PDE1A: variants seen among roughly 807,000 people sequenced by gnomAD.
The protein encoded by PDE1A is dual specificity calcium/calmodulin-dependent 3',5'-cyclic nucleotide phosphodiesterase 1A.
In PDE1A, 35 loss-of-function variants were observed where a neutral mutation model predicts 61.7. That is an observed-to-expected ratio of 0.57 (90% CI 0.43 to 0.75). The LOEUF (loss-of-function observed/expected upper bound fraction) is 0.75. Ranked by LOEUF, PDE1A falls within the 30% of genes least tolerant of loss-of-function variation. The pLI is 0.00. For synonymous variants in PDE1A, 232 were observed against 213.2 expected, an observed-to-expected ratio of 1.09 and a Z score of -0.77; for missense variants, 597 against 630.6, an observed-to-expected ratio of 0.95 and a Z score of 0.57.
the PDE1A span, among the ~76,000 whole-genome samples, chr2:182,608,889 A>G: frequency 2.0e-5 from 3 of 152,142 alleles, no homozygotes; most frequent in Admixed American, 1.3e-4. Context: ...TTGAATCTTT[A>G]TGTCTAGCTA....
At chr2:182,308,558 T>C (rs1487311184) in intron 1 of PDE1A, among the ~76,000 whole-genome samples, 1 of 152,070 alleles carries the variant, frequency 6.6e-6, no homozygotes, top group Non-Finnish European at 1.5e-5. Flanking sequence ...AGGCAGAATA[T>C]TTTATAGGAT....
At chr2:182,588,351 A>C in the PDE1A span, among the ~76,000 whole-genome samples, 1 of 152,156 alleles carries the variant, frequency 6.6e-6, no homozygotes, top group Admixed American at 6.5e-5. Flanking sequence ...ATTCTTGTCC[A>C]TTGATCTTTC....
chr2:182,466,844 C>T (rs1294776313), intron 2 of PDE1A, among the ~76,000 whole-genome samples: 1 of 151,908 alleles, frequency 6.6e-6, no homozygotes, highest in Non-Finnish European at 1.5e-5. Flanking sequence ...CTAACTAGTG[C>T]CTTCTTTCTT....
chr2:182,564,275 G>C, the PDE1A span, among the ~76,000 whole-genome samples: 1 of 152,070 alleles, frequency 6.6e-6, no homozygotes. Context: ...CTCAGCATTT[G>C]CTTGTCTGTA....
At chr2:182,299,780 T>C (rs528653203) in intron 1 of PDE1A, among the ~76,000 whole-genome samples, 3 of 152,146 alleles carry the variant, frequency 2.0e-5, no homozygotes, top group Non-Finnish European at 4.4e-5. Context: ...CATGATTGCA[T>C]AACAATGTGT....
intron 2 of PDE1A, among the ~76,000 whole-genome samples, chr2:182,505,503 C>T (rs1380331994): frequency 1.3e-5 from 2 of 152,112 alleles, no homozygotes; most frequent in Non-Finnish European, 2.9e-5. Flanking sequence ...GGCCTGGGCA[C>T]TTTGATTTTA....
At chr2:182,588,182 T>C in the PDE1A span, among the ~76,000 whole-genome samples, 35 of 152,342 alleles carry the variant, frequency 2.3e-4, 1 homozygote, top group East Asian at 6.2e-3. Context: ...TTCCTTCTCA[T>C]CATCTGTTCA....
chr2:182,650,191 A>G, the PDE1A span, among the ~76,000 whole-genome samples: 1 of 152,182 alleles, frequency 6.6e-6, no homozygotes, highest in Non-Finnish European at 1.5e-5. Context: ...GAGGAAATGT[A>G]TAAGGGCACA....
intron 1 of PDE1A, among the ~76,000 whole-genome samples, chr2:182,264,768 T>C (rs914750888): frequency 6.7e-6 from 1 of 150,022 alleles, no homozygotes; most frequent in Non-Finnish European, 1.5e-5. Context: ...ATGTTGGCAC[T>C]AGGAGAATAT....
chr2:182,174,733 A>AT (rs139760662), intron 13 of PDE1A, among the ~76,000 whole-genome samples: 11 of 151,304 alleles, frequency 7.3e-5, no homozygotes, highest in Non-Finnish European at 1.0e-4. Context: ...TTTGTTTTTT[A>AT]TTTATTTTAT....
intron 1 of PDE1A, among the ~76,000 whole-genome samples, chr2:182,265,448 T>C (rs893570093): frequency 1.3e-5 from 2 of 152,080 alleles, no homozygotes; most frequent in African/African-American, 2.4e-5. Context: ...CCTTAGTGTA[T>C]TTACTGCACT....
intron 1 of PDE1A, among the ~76,000 whole-genome samples, chr2:182,371,339 C>T (rs951962400): frequency 8.5e-5 from 13 of 152,128 alleles, no homozygotes; most frequent in African/African-American, 1.2e-4. Flanking sequence ...GAAACTTCCC[C>T]AAGCAGTATT....
At chr2:182,653,021 T>C in the PDE1A span, among the ~76,000 whole-genome samples, 1 of 152,182 alleles carries the variant, frequency 6.6e-6, no homozygotes, top group Admixed American at 6.5e-5. Flanking sequence ...CAACTCTAGC[T>C]CTTCAGGATC....
Position 182,519,220 on chromosome 2 carries a change from T to C in PDE1A, c.101+3056A>G, listed in dbSNP as rs139111705. Among the ~76,000 whole-genome samples the C allele has an allele frequency of 3.1e-4, 47 of 152,214 alleles. No individual in the cohort carries two copies. The East Asian group carries it at 8.9e-3, about 29-fold the overall frequency. On this transcript the variant is annotated intron_variant, in intron 2 of 14. Coordinates refer to the PDE1A transcript ENST00000410103. ...TCAGAAATTTCATTTGGTGTTGAGA[T>C]GGCATAAGAAATAGGAAGTGTTTTC...
chr2:182,330,218 C>G (rs1485917179), intron 1 of PDE1A, among the ~76,000 whole-genome samples: 1 of 151,898 alleles, frequency 6.6e-6, no homozygotes, highest in African/African-American at 2.4e-5. Flanking sequence ...GTGGCGCGAG[C>G]CTGTAATCCC....
At chr2:182,363,954 A>C (rs1408488552) in intron 1 of PDE1A, among the ~76,000 whole-genome samples, 1 of 151,986 alleles carries the variant, frequency 6.6e-6, no homozygotes, top group African/African-American at 2.4e-5. Flanking sequence ...CTCCAGATTG[A>C]AAGGTATATC....
the PDE1A span, among the ~76,000 whole-genome samples, chr2:182,622,894 A>G: frequency 6.6e-6 from 1 of 152,214 alleles, no homozygotes; most frequent in Non-Finnish European, 1.5e-5. Context: ...AGTCTCAAAA[A>G]ACAATCTTCA....
chr2:182,387,713 T>C (rs140100171), intron 1 of PDE1A, among the ~76,000 whole-genome samples: 184 of 150,556 alleles, frequency 1.2e-3, no homozygotes, highest in African/African-American at 4.3e-3. Context: ...GCCAAGATCA[T>C]ACCATTGCAC....
At chr2:182,290,942 G>A (rs1007513053) in intron 1 of PDE1A, among the ~76,000 whole-genome samples, 3 of 151,794 alleles carry the variant, frequency 2.0e-5, no homozygotes, top group East Asian at 1.9e-4. Flanking sequence ...ACCAACATTC[G>A]CCCAGTCCTG....
Sources: gnomAD v4.1 joint callset for allele counts (sites outside exome capture counted in the v4.1 genomes callset) on GRCh38, gnomAD v4.1.1 for gene constraint, MANE v1.5 for transcripts, NCBI Gene and HGNC (gene_info 2026-07-23, HGNC 2026-07-21) for gene names.